Variants in SHANK2 observed in about 807,000 individuals in gnomAD.
The protein encoded by SHANK2 is SH3 and multiple ankyrin repeat domains protein 2.
SHANK2 carries 43 observed loss-of-function variants against 133.7 expected under a neutral mutation model. That is an observed-to-expected ratio of 0.32 (90% CI 0.25 to 0.41). SHANK2 has a LOEUF of 0.41. Among genes scored for constraint, SHANK2 ranks in the 10% least tolerant of loss-of-function variants. The pLI is 1.00. For synonymous variants in SHANK2, 1,017 were observed against 952.8 expected, an observed-to-expected ratio of 1.07 and a Z score of -1.24; for missense variants, 1,994 against 2,235.8, an observed-to-expected ratio of 0.89 and a Z score of 2.18.
intron 11 of SHANK2, among the ~76,000 whole-genome samples, chr11:70,888,411 A>G (rs1161696980): frequency 6.6e-6 from 1 of 152,196 alleles, no homozygotes; most frequent in African/African-American, 2.4e-5. Context: ...CGAGTCAGAT[A>G]AAACATTGCC....
chr11:70,689,320 G>A (rs191249689), intron 15 of SHANK2, among the ~76,000 whole-genome samples: 12 of 152,290 alleles, frequency 7.9e-5, no homozygotes, highest in African/African-American at 2.4e-4. Flanking sequence ...TGGGGAGAAC[G>A]TAAATGGTCT....
chr11:70,525,623 G>A (rs1423136432), intron 17 of SHANK2, among the ~76,000 whole-genome samples: 3 of 152,126 alleles, frequency 2.0e-5, no homozygotes, highest in Non-Finnish European at 4.4e-5. Flanking sequence ...GGAGCGAACA[G>A]GGTCCTGGTA....
Position 70,661,763 on chromosome 11 carries a change from A to G in SHANK2, c.1854-85T>C, listed in dbSNP as rs144070766. The G allele has an allele frequency of 5.0e-6, 8 of 1,613,964 alleles. No individual in the cohort carries two copies. In the African/African-American group the frequency reaches 1.1e-4, roughly 22 times the overall value. On this transcript the variant is annotated intron_variant, in intron 15 of 25. Coordinates refer to ENST00000601538, the MANE Select transcript of SHANK2 (RefSeq NM_012309.5). ...CGCTCCTCCGCCGGGGACGTTCATC[A>G]TCATAGCCAATTAATCACCCCAGCT...
At chr11:71,107,050 G>C (rs1260345096) in intron 6 of SHANK2, among the ~76,000 whole-genome samples, 1 of 152,140 alleles carries the variant, frequency 6.6e-6, no homozygotes, top group Non-Finnish European at 1.5e-5. Context: ...GGGAGGATGA[G>C]GTTGCAGTGA....
chr11:70,489,241 C>T, intron 24 of SHANK2, 87 bp downstream of exon 24: 1 of 1,334,688 alleles, frequency 7.5e-7, no homozygotes, highest in Non-Finnish European at 1.1e-6. Flanking sequence ...AATTCTGTTC[C>T]CAAGGAGTAC....
intron 17 of SHANK2, among the ~76,000 whole-genome samples, chr11:70,593,015 G>A (rs1042460382): frequency 5.9e-5 from 9 of 152,208 alleles, no homozygotes; most frequent in Admixed American, 1.3e-4. Flanking sequence ...TATCGGAGGG[G>A]TGGGTCCCAG....
At chr11:71,085,660 T>G (rs1241160784) in intron 8 of SHANK2, among the ~76,000 whole-genome samples, 4 of 14,318 alleles carry the variant, frequency 2.8e-4, no homozygotes, top group African/African-American at 6.6e-4. Context: ...TTATATATTA[T>G]ATTATATATG....
chr11:70,690,621 C>T (rs1311852668), intron 15 of SHANK2, among the ~76,000 whole-genome samples: 1 of 145,270 alleles, frequency 6.9e-6, no homozygotes, highest in African/African-American at 2.5e-5. Flanking sequence ...TGCTCACCCT[C>T]CACTGTTTTT....
intron 14 of SHANK2, among the ~76,000 whole-genome samples, chr11:70,736,759 A>G (rs1278376489): frequency 6.6e-6 from 1 of 151,666 alleles, no homozygotes; most frequent in Non-Finnish European, 1.5e-5. Context: ...CCCGCCACGC[A>G]CCCCAACACA....
chr11:70,734,399 C>A (rs563787882), intron 14 of SHANK2, among the ~76,000 whole-genome samples: 10 of 152,156 alleles, frequency 6.6e-5, no homozygotes, highest in Non-Finnish European at 2.9e-5. Context: ...AGCGTGAGGG[C>A]GCCAGTGGGC....
intron 17 of SHANK2, among the ~76,000 whole-genome samples, chr11:70,522,959 GACCCGCAGCTCCAATCCAC>G (rs1258923800): frequency 1.3e-5 from 2 of 152,208 alleles, no homozygotes; most frequent in African/African-American, 4.8e-5. Flanking sequence ...CCTCCCTCCA[GACCCGCAGCTCCAATCCAC>G]ACCCTCTTTG....
Position 71,113,360 on chromosome 11 carries a change from C to A in SHANK2, c.416G>T (p.Arg139Leu). ...TTGTTTATACACCCGCTTCTTGTAT[C>A]GAAACTGGCACAGAAAACAAAAAAG... The part of the protein sequence containing the change: ...VGEGVPSLEF[R>L]YKKRVYKQAS... The change falls in exon 5 of 26, where the codon CGA becomes CTA. Residue 139 changes from arginine (R) to leucine (L), a missense_variant. Physicochemically the swap from Arg to Leu is moderately radical, Grantham distance 102. This residue lies in a region of SHANK2 where 653 missense variants were observed against 563.4 expected (regional missense o/e 1.16). Transcript: ENST00000601538. The A allele has an allele frequency of 1.9e-6, 3 of 1,551,550 alleles. No individual in the cohort carries two copies. Among genetic ancestry groups the A allele is most frequent in the Non-Finnish European group, 2.6e-6 (3 of 1,146,942 alleles).
Position 70,641,256 on chromosome 11 carries a change from T to C in SHANK2, c.2061+18572A>G, listed in dbSNP as rs138915773. On this transcript the variant is annotated intron_variant, in intron 17 of 25. Coordinates refer to ENST00000601538, the MANE Select transcript of SHANK2 (RefSeq NM_012309.5). Reference sequence around the variant, plus strand: ...GACTACAGGCGCATGCCACCACGCCTGGATAATTTTTTTGTATTAGTAGAG... The same window carrying C: ...GACTACAGGCGCATGCCACCACGCCCGGATAATTTTTTTGTATTAGTAGAG... 3.8e-3 allele frequency among the ~76,000 whole-genome samples: 576 copies of C among 152,074 alleles called. 2 individuals are homozygous for C. Among genetic ancestry groups the C allele is most frequent in the African/African-American group, 0.013 (556 of 41,482 alleles).
chr11:70,860,494 G>A (rs76259026), intron 11 of SHANK2, among the ~76,000 whole-genome samples: 1,576 of 152,316 alleles, frequency 0.01, 30 homozygotes, highest in African/African-American at 0.035. Flanking sequence ...TGTGTATTTC[G>A]TCTGTCCATC....
rs147288898 is a variant in SHANK2 at position 70,473,394 on chromosome 11, C to T, written c.5025G>A (p.Thr1675=). ...MSTISGTRST[T]VTFTVRPGTS... is the part of the protein sequence containing the mutation. ...TGCCGGGGCGAACAGTGAAGGTGAC[C>T]GTCGTGCTCCGTGTACCTGAGATGG... The change falls in exon 26 of 26, where the codon ACG becomes ACA. Residue 1675 remains threonine (T), a synonymous_variant. Transcript: ENST00000601538. This position sits in a 1 kb window ranked among gnomAD's most constrained non-coding sequence, Gnocchi z 5.9. 1.8e-4 allele frequency: 295 copies of T among 1,608,764 alleles called. 1 individual carries two copies. The Admixed American group carries it at 2.2e-3, about 12-fold the overall frequency.
At chr11:70,740,998 G>T (rs1946511462) in intron 14 of SHANK2, among the ~76,000 whole-genome samples, 1 of 152,170 alleles carries the variant, frequency 6.6e-6, no homozygotes, top group Non-Finnish European at 1.5e-5. Flanking sequence ...GAGGTTATTT[G>T]TGTTATCTCT....
At chr11:70,757,908 G>A (rs1236625648) in intron 14 of SHANK2, among the ~76,000 whole-genome samples, 1 of 152,134 alleles carries the variant, frequency 6.6e-6, no homozygotes, top group Non-Finnish European at 1.5e-5. Flanking sequence ...CATTCTCTCA[G>A]TTCTGGAGGC....
intron 17 of SHANK2, among the ~76,000 whole-genome samples, chr11:70,609,145 G>T (rs555403548): frequency 5.9e-5 from 9 of 152,236 alleles, no homozygotes; most frequent in Non-Finnish European, 1.2e-4. Flanking sequence ...AGAGGGCCTG[G>T]CCGGCTCCCA....
At chr11:71,203,721 A>T (rs1555117516) in intron 2 of SHANK2, among the ~76,000 whole-genome samples, 1 of 152,252 alleles carries the variant, frequency 6.6e-6, no homozygotes, top group Non-Finnish European at 1.5e-5. Flanking sequence ...GAGTGACATC[A>T]GATGGCCTGT....
Sources: gnomAD v4.1 joint callset for allele counts (sites outside exome capture counted in the v4.1 genomes callset) on GRCh38, gnomAD v4.1.1 for gene constraint, gnomAD v4.1.1 regional missense constraint, Gnocchi (gnomAD v3.1) non-coding constraint, MANE v1.5 for transcripts, NCBI Gene and HGNC (gene_info 2026-07-23, HGNC 2026-07-21) for gene names.